OR3A2: variants seen among roughly 807,000 people sequenced by gnomAD.
OR3A2 encodes the protein olfactory receptor 3A2.
For synonymous variants in OR3A2, 126 were observed against 159.3 expected, an observed-to-expected ratio of 0.79 and a Z score of 1.57; for missense variants, 318 against 392.8, an observed-to-expected ratio of 0.81 and a Z score of 1.61.
intron 3 of OR3A2, chr17:3,310,863 C>T (rs1275644996): frequency 9.6e-7 from 1 of 1,044,544 alleles, no homozygotes; most frequent in Admixed American, 1.9e-5. Flanking sequence ...CTGTGACCTC[C>T]CACAGCCCTT....
chr17:3,296,071 G>T (rs1328454030), intron 3 of OR3A2, among the ~76,000 whole-genome samples: 1 of 152,030 alleles, frequency 6.6e-6, no homozygotes, highest in Admixed American at 6.5e-5. Context: ...CTTCCTTAAA[G>T]TGCCCATGAA....
intron 1 of OR3A2, among the ~76,000 whole-genome samples, chr17:3,284,146 T>TTCTCG (rs2048793436): frequency 6.7e-6 from 1 of 148,364 alleles, no homozygotes; most frequent in South Asian, 2.2e-4. Context: ...CTCCTCACAC[T>TTCTCG]CATGCTAACA....
intron 2 of OR3A2, among the ~76,000 whole-genome samples, chr17:3,377,283 G>T (rs1219247397): frequency 6.6e-6 from 1 of 152,068 alleles, no homozygotes; most frequent in African/African-American, 2.4e-5. Flanking sequence ...CCTCAGTTTG[G>T]TCATTTATAA....
chr17:3,349,579 A>G (rs1479931099), intron 2 of OR3A2, among the ~76,000 whole-genome samples: 2 of 152,186 alleles, frequency 1.3e-5, no homozygotes, highest in African/African-American at 2.4e-5. Context: ...ACACATTAAT[A>G]ATAGGAGACT....
Position 3,357,137 on chromosome 17 carries a change from G to A in OR3A2, c.-178-21011C>T, listed in dbSNP as rs971927453. ...TATAACACACTAGTTCCCAAACTTA[G>A]TTGTACATTCTTGCCTGTTTGCATA... On this transcript the variant is annotated intron_variant, in intron 2 of 4. Coordinates refer to the OR3A2 transcript ENST00000573491. 1.3e-5 allele frequency among the ~76,000 whole-genome samples: 2 copies of A among 151,704 alleles called. 1 individual carries two copies. Among genetic ancestry groups the A allele is most frequent in the African/African-American group, 4.9e-5 (2 of 41,040 alleles).
chr17:3,333,236 G>C (rs1482727701), intron 3 of OR3A2, among the ~76,000 whole-genome samples: 1 of 152,164 alleles, frequency 6.6e-6, no homozygotes, highest in African/African-American at 2.4e-5. Flanking sequence ...GTCTCCTGTA[G>C]TACTACCTCA....
chr17:3,377,203 T>C (rs1468029109), intron 2 of OR3A2, among the ~76,000 whole-genome samples: 1 of 152,218 alleles, frequency 6.6e-6, no homozygotes, highest in Non-Finnish European at 1.5e-5. Flanking sequence ...CCACACGGTG[T>C]TCTGTCCAAC....
At chr17:3,360,788 G>A (rs1281655814) in intron 2 of OR3A2, among the ~76,000 whole-genome samples, 1 of 151,496 alleles carries the variant, frequency 6.6e-6, no homozygotes, top group Admixed American at 6.6e-5. Flanking sequence ...TCTCTGTTTT[G>A]GTACTAGTAC....
intron 2 of OR3A2, among the ~76,000 whole-genome samples, chr17:3,340,588 T>C (rs771899357): frequency 3.3e-5 from 5 of 151,778 alleles, no homozygotes; most frequent in Admixed American, 6.6e-5. Flanking sequence ...TTGAGTGAGT[T>C]TCTTAATCTT....
intron 3 of OR3A2, among the ~76,000 whole-genome samples, chr17:3,297,946 TTATC>T (rs764838376): frequency 5.3e-5 from 8 of 151,878 alleles, no homozygotes; most frequent in Non-Finnish European, 1.2e-4. Context: ...TCTTCTCCCT[TTATC>T]TAGATGGCGT....
intron 3 of OR3A2, among the ~76,000 whole-genome samples, chr17:3,330,664 C>T (rs1157146996): frequency 2.6e-5 from 4 of 152,182 alleles, no homozygotes; most frequent in African/African-American, 7.2e-5. Context: ...GACTCTTTAT[C>T]CAATTTGCCA....
intron 2 of OR3A2, among the ~76,000 whole-genome samples, chr17:3,356,698 T>C (rs1226536868): frequency 1.3e-5 from 2 of 151,578 alleles, no homozygotes; most frequent in Non-Finnish European, 2.9e-5. Context: ...CAATAGCCTT[T>C]GGGAGGCAAA....
At chr17:3,349,698 G>T (rs1409092486) in intron 2 of OR3A2, among the ~76,000 whole-genome samples, 2 of 150,670 alleles carry the variant, frequency 1.3e-5, no homozygotes, top group African/African-American at 2.4e-5. Context: ...GACATCTACA[G>T]AACTCTCCAC....
intron 3 of OR3A2, among the ~76,000 whole-genome samples, chr17:3,294,337 C>T (rs905542814): frequency 6.6e-6 from 1 of 151,328 alleles, no homozygotes; most frequent in Non-Finnish European, 1.5e-5. Flanking sequence ...ACCAAAAAAA[C>T]CAATATTAGA....
At chr17:3,376,335 G>C (rs1223431581) in intron 2 of OR3A2, among the ~76,000 whole-genome samples, 1 of 152,160 alleles carries the variant, frequency 6.6e-6, no homozygotes, top group Non-Finnish European at 1.5e-5. Flanking sequence ...TCAGGTGACG[G>C]TTGGGGCCAC....
chr17:3,288,530 G>A (rs804243), upstream of OR3A2, among the ~76,000 whole-genome samples: 73,982 of 152,036 alleles, frequency 0.49, 19,753 homozygotes, highest in East Asian at 0.93. Flanking sequence ...ATGTATCCCC[G>A]TTGTAGAGTG....
chr17:3,381,980 C>G (rs548943029), intron 2 of OR3A2, among the ~76,000 whole-genome samples: 20 of 152,282 alleles, frequency 1.3e-4, no homozygotes, highest in African/African-American at 4.6e-4. Flanking sequence ...GAAAAGAAAT[C>G]CTCACTTTAT....
intron 3 of OR3A2, among the ~76,000 whole-genome samples, chr17:3,334,044 C>T (rs754705078): frequency 2.6e-5 from 4 of 152,098 alleles, no homozygotes; most frequent in Non-Finnish European, 5.9e-5. Context: ...TAAATCAAAA[C>T]CACAATTAAG....
chr17:3,334,994 A>G (rs1001002408), intron 3 of OR3A2, among the ~76,000 whole-genome samples: 69 of 152,200 alleles, frequency 4.5e-4, no homozygotes, highest in African/African-American at 1.6e-3. Context: ...TCACTGTAAC[A>G]TCACAAGTAC....
Sources: allele counts gnomAD v4.1 joint callset (sites outside exome capture counted in the v4.1 genomes callset), GRCh38; gene constraint gnomAD v4.1.1; transcripts MANE v1.5; gene names NCBI Gene and HGNC (gene_info 2026-07-23, HGNC 2026-07-21).